ANKFN1: variants seen among roughly 807,000 people sequenced by gnomAD.
ANKFN1 encodes the protein ankyrin repeat and fibronectin type-III domain-containing protein 1.
A neutral mutation model predicts 108.7 loss-of-function variants in ANKFN1; 74 were observed. That is an observed-to-expected ratio of 0.68 (90% CI 0.56 to 0.83). ANKFN1 has a LOEUF of 0.83. Ranked by LOEUF, ANKFN1 falls within the 40% of genes least tolerant of loss-of-function variation. The pLI is 0.00. For synonymous variants in ANKFN1, 547 were observed against 516.2 expected, an observed-to-expected ratio of 1.06 and a Z score of -0.81; for missense variants, 1,505 against 1,382.3, an observed-to-expected ratio of 1.09 and a Z score of -1.41.
intron 20 of ANKFN1, among the ~76,000 whole-genome samples, chr17:56,509,496 T>C (rs1293798455): frequency 6.6e-6 from 1 of 152,216 alleles, no homozygotes; most frequent in African/African-American, 2.4e-5. Flanking sequence ...TTTCATACCA[T>C]ACTTCCATTT....
At chr17:56,446,520 C>G (rs904091474) in intron 10 of ANKFN1, among the ~76,000 whole-genome samples, 2 of 152,204 alleles carry the variant, frequency 1.3e-5, no homozygotes, top group African/African-American at 4.8e-5. Context: ...CCTATCTTAT[C>G]CTACCTGAAC....
upstream of ANKFN1, among the ~76,000 whole-genome samples, chr17:56,151,410 A>T (rs1774591131): frequency 6.6e-6 from 1 of 152,182 alleles, no homozygotes; most frequent in Admixed American, 6.5e-5. Flanking sequence ...GCTATGTGCC[A>T]GTTGTAATTT....
At chr17:56,452,683 T>G (rs952988671) in intron 11 of ANKFN1, among the ~76,000 whole-genome samples, 6 of 152,238 alleles carry the variant, frequency 3.9e-5, no homozygotes, top group Non-Finnish European at 7.3e-5. Flanking sequence ...TTTTACCATG[T>G]GACCAGACCT....
At chr17:56,222,548 G>A (rs544982503) in intron 2 of ANKFN1, among the ~76,000 whole-genome samples, 1 of 152,292 alleles carries the variant, frequency 6.6e-6, no homozygotes, top group African/African-American at 2.4e-5. Context: ...CACTAAAAGA[G>A]TATAATGCAA....
intron 3 of ANKFN1, among the ~76,000 whole-genome samples, chr17:56,229,493 A>C (rs1189225591): frequency 6.6e-6 from 1 of 151,966 alleles, no homozygotes; most frequent in Non-Finnish European, 1.5e-5. Flanking sequence ...TAAATCAGTT[A>C]ATGTTAAATA....
At chr17:56,434,122 CTT>C (rs35546781) in intron 8 of ANKFN1, among the ~76,000 whole-genome samples, 1 of 152,118 alleles carries the variant, frequency 6.6e-6, no homozygotes, top group South Asian at 2.1e-4. Flanking sequence ...ATGGAGGAGA[CTT>C]TTTGTGGTTA....
chr17:56,344,843 G>A (rs956563014), intron 4 of ANKFN1, among the ~76,000 whole-genome samples: 1 of 151,852 alleles, frequency 6.6e-6, no homozygotes, highest in Non-Finnish European at 1.5e-5. Context: ...CCCTTCCAGT[G>A]GCTGACAGGC....
chr17:56,101,858 A>G (rs913257775), intron 4 of ANKFN1, among the ~76,000 whole-genome samples: 1 of 152,186 alleles, frequency 6.6e-6, no homozygotes, highest in Non-Finnish European at 1.5e-5. Flanking sequence ...GCCTCATCCT[A>G]CTACCTAATG....
chr17:56,459,100 CG>C (rs2049813465), intron 14 of ANKFN1, among the ~76,000 whole-genome samples: 1 of 152,034 alleles, frequency 6.6e-6, no homozygotes, highest in South Asian at 2.1e-4. Context: ...TCAACTCACT[CG>C]GGTTTTTTTT....
chr17:56,060,818 T>G (rs987993601), intron 4 of ANKFN1, among the ~76,000 whole-genome samples: 1 of 152,256 alleles, frequency 6.6e-6, no homozygotes, highest in African/African-American at 2.4e-5. Context: ...GATGTGCTAC[T>G]GGATTCAGTT....
intron 15 of ANKFN1, among the ~76,000 whole-genome samples, chr17:56,477,067 A>G (rs1400630685): frequency 6.6e-6 from 1 of 152,208 alleles, no homozygotes. Flanking sequence ...CAATCCAGAA[A>G]TTACAACGCT....
intron 4 of ANKFN1, among the ~76,000 whole-genome samples, chr17:56,338,260 C>T (rs974169680): frequency 6.6e-6 from 1 of 152,026 alleles, no homozygotes; most frequent in Non-Finnish European, 1.5e-5. Context: ...AATGAGAACA[C>T]TTGGACACAG....
intron 20 of ANKFN1, 116 bp from the exon 21 acceptor site, chr17:56,510,357 A>C (rs1343338641): frequency 2.3e-6 from 2 of 882,874 alleles, no homozygotes; most frequent in Non-Finnish European, 3.4e-6. Flanking sequence ...ACAGCAGGGC[A>C]TTAAACGAAG....
rs2051871472 is a variant in ANKFN1, at chr17:56,514,862, A to G, written c.*3593A>G. ...ACACCTACTGTGTCCTTGCCAGGAG[A>G]TCATGCCAGAGAAGTGGAAAAGAGG... On this transcript the variant is annotated 3_prime_UTR_variant, in exon 21 of 21. Transcript: ENST00000682825. Among the ~76,000 whole-genome samples, 1 of 152,084 alleles carries G rather than the reference A, an allele frequency of 6.6e-6. No homozygotes were observed. The highest frequency in any genetic ancestry group is 2.4e-5 in the African/African-American group (1 of 41,398).
intron 8 of ANKFN1, among the ~76,000 whole-genome samples, chr17:56,430,616 C>T (rs2048724328): frequency 6.6e-6 from 1 of 151,622 alleles, no homozygotes; most frequent in South Asian, 2.1e-4. Flanking sequence ...AATATCACAA[C>T]ATCATATTGT....
intron 8 of ANKFN1, among the ~76,000 whole-genome samples, chr17:56,380,721 C>T (rs1332170433): frequency 1.3e-5 from 2 of 152,256 alleles, no homozygotes; most frequent in African/African-American, 4.8e-5. Context: ...AAGGCAGCAG[C>T]GAGGCCGGGG....
At chr17:56,153,815 G>C (rs1324454561) in intron 1 of ANKFN1, among the ~76,000 whole-genome samples, 5 of 152,104 alleles carry the variant, frequency 3.3e-5, no homozygotes, top group Non-Finnish European at 7.4e-5. Context: ...TTTATGGTCT[G>C]TTTTCTCTTT....
upstream of ANKFN1, among the ~76,000 whole-genome samples, chr17:56,152,518 G>C (rs1021423058): frequency 6.6e-6 from 1 of 151,928 alleles, no homozygotes; most frequent in East Asian, 1.9e-4. Flanking sequence ...GGGTAATGGG[G>C]CTCTGGGCTC....
chr17:56,346,329 G>A (rs762009467), intron 4 of ANKFN1, among the ~76,000 whole-genome samples: 6 of 151,882 alleles, frequency 4.0e-5, no homozygotes, highest in South Asian at 2.1e-4. Context: ...GCATGATGCC[G>A]CCAGCTTTGT....
Sources: gnomAD v4.1 joint callset for allele counts (sites outside exome capture counted in the v4.1 genomes callset) on GRCh38, gnomAD v4.1.1 for gene constraint, MANE v1.5 for transcripts, NCBI Gene and HGNC (gene_info 2026-07-23, HGNC 2026-07-21) for gene names.